The following ART3 variants were observed in gnomAD, a reference collection of about 807,000 sequenced individuals.
The protein encoded by ART3 is ADP-ribosyltransferase 3 (inactive).
In ART3, 49 loss-of-function variants were observed where a neutral mutation model predicts 48.5. That is an observed-to-expected ratio of 1.01 (90% CI 0.80 to 1.28). The LOEUF (loss-of-function observed/expected upper bound fraction) is 1.28. Among genes scored for constraint, ART3 ranks in the 50% most tolerant of loss-of-function variants. The probability of loss-of-function intolerance (pLI) is 0.00; values close to 1 mark genes in which losing one functional copy is unlikely to be tolerated. For missense variants in ART3, 438 were observed against 454.3 expected (o/e 0.96, Z 0.33); for synonymous variants, 145 against 157.2 (o/e 0.92, Z 0.58).
At chr4:76,098,868 A>G in intron 4 of ART3, 87 bp from the exon 5 acceptor site, 2 of 1,141,916 alleles carry the variant, frequency 1.8e-6, no homozygotes, top group South Asian at 3.0e-5. Context: ...CACAATCTTT[A>G]TTTTTAATGA....
chr4:76,105,861 G>A, intron 10 of ART3: 1 of 985,370 alleles, frequency 1.0e-6, no homozygotes, highest in Non-Finnish European at 1.2e-6. Context: ...GGAATCTGTA[G>A]ACATAGAAAT....
chr4:76,052,879 CCACCG>C (rs547869368), intron 1 of ART3, among the ~76,000 whole-genome samples: 1 of 152,056 alleles, frequency 6.6e-6, no homozygotes, highest in Non-Finnish European at 1.5e-5. Flanking sequence ...CAGGCCTGTG[CCACCG>C]CACCAGGCTA....
chr4:76,040,550 T>C (rs992505540), intron 1 of ART3, among the ~76,000 whole-genome samples: 4 of 121,812 alleles, frequency 3.3e-5, no homozygotes, highest in Non-Finnish European at 4.8e-5. Context: ...TGTCAGGGAC[T>C]ATATAGATAC....
intron 3 of ART3, among the ~76,000 whole-genome samples, chr4:76,089,190 A>T (rs1474822157): frequency 6.6e-6 from 1 of 152,156 alleles, no homozygotes; most frequent in African/African-American, 2.4e-5. Context: ...ATTGTGTACT[A>T]TCTCATTTCC....
chr4:76,109,677 G>A (rs574102238), intron 11 of ART3, among the ~76,000 whole-genome samples: 3 of 152,182 alleles, frequency 2.0e-5, no homozygotes, highest in Non-Finnish European at 2.9e-5. Flanking sequence ...CGGCAACGAT[G>A]TTGCTAGGCA....
intron 1 of ART3, among the ~76,000 whole-genome samples, chr4:76,042,457 C>A (rs1735056972): frequency 6.6e-6 from 1 of 152,232 alleles, no homozygotes; most frequent in East Asian, 1.9e-4. Flanking sequence ...GAAGAGGTTG[C>A]CAGGCATGTA....
At chr4:76,076,003 CG>C (rs771692856) in intron 2 of ART3, 45 bp downstream of exon 2, 20 of 1,057,098 alleles carry the variant, frequency 1.9e-5, no homozygotes, top group South Asian at 3.0e-5. Flanking sequence ...AATGGAAATT[CG>C]TTTTTTTTTT....
At chr4:76,075,566 A>C (rs1720864284) in intron 1 of ART3, among the ~76,000 whole-genome samples, 1 of 152,180 alleles carries the variant, frequency 6.6e-6, no homozygotes, top group Admixed American at 6.5e-5. Context: ...GATGGGAAGA[A>C]AATATGACTC....
intron 1 of ART3, among the ~76,000 whole-genome samples, chr4:76,054,583 A>G (rs1718495753): frequency 6.6e-6 from 1 of 152,192 alleles, no homozygotes; most frequent in African/African-American, 2.4e-5. Context: ...TGCAATCCCA[A>G]CACTTTGGGA....
At position 76,020,808 on chromosome 4, in the gene ART3, TG is replaced by T. The variant is rs543280237; in HGVS notation, c.-10+9489del. On this transcript the variant is annotated intron_variant, in intron 1 of 9. Coordinates refer to the ART3 transcript ENST00000341029. ...GTTCGAGGCTGCAGTGAGCTATGAT[TG>T]CACCACTGCACTCCGGCTTGGGTGA... 1.5e-3 allele frequency among the ~76,000 whole-genome samples: 235 copies of T among 152,118 alleles called. 1 individual carries two copies. The highest frequency in any genetic ancestry group is 3.5e-3 in the East Asian group (18 of 5,180).
At chr4:76,099,896 C>G (rs1726884149) in intron 5 of ART3, among the ~76,000 whole-genome samples, 1 of 152,220 alleles carries the variant, frequency 6.6e-6, no homozygotes, top group Non-Finnish European at 1.5e-5. Flanking sequence ...AAAATACTTC[C>G]TGTCCTGATA....
intron 1 of ART3, chr4:76,035,419 G>C (rs1001939834): frequency 6.8e-7 from 1 of 1,464,420 alleles, no homozygotes. Context: ...GGTGGTGAAC[G>C]TGAGCAGAAT....
intron 5 of ART3, among the ~76,000 whole-genome samples, chr4:76,099,965 G>T (rs184205124): frequency 6.6e-6 from 1 of 152,264 alleles, no homozygotes; most frequent in African/African-American, 2.4e-5. Context: ...TTATTGTTCC[G>T]TTGCAGTCAC....
intron 1 of ART3, among the ~76,000 whole-genome samples, chr4:76,044,703 C>G (rs537071890): frequency 6.6e-6 from 1 of 152,088 alleles, no homozygotes; most frequent in East Asian, 1.9e-4. Context: ...CTTTAACGTT[C>G]TGTCTCTCTG....
At position 76,112,671 on chromosome 4, in the gene ART3, A is replaced by G; in HGVS notation, c.*152A>G. The G allele has an allele frequency of 1.1e-6, 1 of 914,532 alleles. No homozygotes were observed. The highest frequency in any genetic ancestry group is 2.2e-5 in the South Asian group (1 of 44,684). 56.7% of individuals were successfully genotyped at this position (914,532 alleles called of 1,614,324 possible). A position where few individuals can be genotyped will look rare whatever the true frequency, so the allele number is the denominator to read the frequency against. ...TTTGTTATTCATTTTGCAAATTCAG[A>G]AAGTTGGTCCAGATATATGTCACAG... On this transcript the variant is annotated 3_prime_UTR_variant, in exon 12 of 12. Coordinates refer to ENST00000355810, the MANE Select transcript of ART3 (RefSeq NM_001130016.3).
chr4:76,020,742 T>C (rs548921525), intron 1 of ART3, among the ~76,000 whole-genome samples: 2 of 152,280 alleles, frequency 1.3e-5, no homozygotes, highest in African/African-American at 4.8e-5. Flanking sequence ...TAATCCCAGC[T>C]TCTCTGGAGG....
At chr4:76,079,460 G>A (rs1411406682) in intron 2 of ART3, among the ~76,000 whole-genome samples, 1 of 152,156 alleles carries the variant, frequency 6.6e-6, no homozygotes, top group Non-Finnish European at 1.5e-5. Flanking sequence ...GTGTTAAGTA[G>A]GCAGATAAAT....
At chr4:76,024,892 G>A (rs962990353) in intron 1 of ART3, among the ~76,000 whole-genome samples, 1 of 152,192 alleles carries the variant, frequency 6.6e-6, no homozygotes, top group Non-Finnish European at 1.5e-5. Flanking sequence ...CAAGAATAAA[G>A]CCTGTATCTG....
At position 76,082,547 on chromosome 4, in the gene ART3, CTCTG is replaced by C; in HGVS notation, c.781+18_781+21del. ...TGCATTTCTAGGTGGTAAGTGTCTG[CTCTG>C]TCTGTGCTTGGCTGGGAGGGAAGGA... On this transcript the variant is annotated intron_variant, in intron 3 of 11. Transcript: ENST00000355810. 6.5e-7 allele frequency: 1 copy of C among 1,549,612 alleles called. No individual in the cohort carries two copies. The highest frequency in any genetic ancestry group is 8.7e-7 in the Non-Finnish European group (1 of 1,149,594).
Sources: gnomAD v4.1 joint callset for allele counts (sites outside exome capture counted in the v4.1 genomes callset) on GRCh38, gnomAD v4.1.1 for gene constraint, MANE v1.5 for transcripts, NCBI Gene and HGNC (gene_info 2026-07-23, HGNC 2026-07-21) for gene names.